CMTM8: variants seen among roughly 807,000 people sequenced by gnomAD.
CMTM8 encodes the protein CKLF like MARVEL transmembrane domain containing 8.
CMTM8 carries 12 observed loss-of-function variants against 18.6 expected under a neutral mutation model. That is an observed-to-expected ratio of 0.65 (90% CI 0.41 to 1.05). CMTM8 has a LOEUF of 1.05. Among genes scored for constraint, CMTM8 ranks in the 50% least tolerant of loss-of-function variants. The pLI, the probability that CMTM8 is intolerant of heterozygous loss-of-function variation, is 0.00. For synonymous variants in CMTM8, 87 were observed against 90.6 expected, an observed-to-expected ratio of 0.96 and a Z score of 0.23; for missense variants, 217 against 227.2, an observed-to-expected ratio of 0.95 and a Z score of 0.29.
rs543073316 is a variant in CMTM8 at position 32,305,292 on chromosome 3, G to A, written c.148-52081G>A. Among the ~76,000 whole-genome samples, 138 of 149,654 alleles carry A rather than the reference G, an allele frequency of 9.2e-4. 2 individuals are homozygous for A. Among genetic ancestry groups the A allele is most frequent in the African/African-American group, 2.8e-3 (113 of 40,524 alleles). ...GTCACCCAGGCTGGAGTGCAGTGGC[G>A]TGATCTCTGCTCACTGCAAGCTCAG... is the stretch of plus-strand genomic sequence containing the variant. On this transcript the variant is annotated intron_variant, in intron 1 of 3. Coordinates refer to ENST00000307526, the MANE Select transcript of CMTM8 (RefSeq NM_178868.5).
intron 1 of CMTM8, among the ~76,000 whole-genome samples, chr3:32,292,808 A>T (rs548627945): frequency 6.6e-6 from 1 of 152,170 alleles, no homozygotes; most frequent in Admixed American, 6.5e-5. Context: ...ATGTCTCCAG[A>T]TGTTGCCAAA....
Position 32,357,521 on chromosome 3 carries a change from T to C in CMTM8, c.296T>C (p.Ile99Thr). 6.2e-7 allele frequency: 1 copy of C among 1,614,138 alleles called. No individual in the cohort carries two copies. The highest frequency in any genetic ancestry group is 1.1e-5 in the South Asian group (1 of 91,078). Residue 99 changes from isoleucine to threonine, a missense_variant, in exon 2 of 4, where the codon ATT becomes ACT. By Grantham distance (89) the Ile-to-Thr change is moderately conservative. Coordinates refer to ENST00000307526, the MANE Select transcript of CMTM8 (RefSeq NM_178868.5). ...IIYITMTYTR[I>T]PQVPWTTVGL... ...TACATAACAATGACCTACACCAGGATTCCCCAGGTGCCCTGGACAACAGTG... is the reference window on the plus strand; with the variant it reads ...TACATAACAATGACCTACACCAGGACTCCCCAGGTGCCCTGGACAACAGTG...
In CMTM8 at chr3:32,318,285, C is replaced by T. The variant is rs142452837; in HGVS notation, c.148-39088C>T. On this transcript the variant is annotated intron_variant, in intron 1 of 3. Coordinates refer to ENST00000307526, the MANE Select transcript of CMTM8 (RefSeq NM_178868.5). ...TGATTCCAGGGACAAAGAGATTTCT[C>T]CCTGTTTAACCTCTTATACTTTTCC... Among the ~76,000 whole-genome samples the T allele has an allele frequency of 8.7e-4, 133 of 152,196 alleles. 1 individual carries two copies. The highest frequency in any genetic ancestry group is 3.0e-3 in the African/African-American group (126 of 41,538).
intron 1 of CMTM8, among the ~76,000 whole-genome samples, chr3:32,341,122 G>A (rs1188158762): frequency 6.6e-6 from 1 of 152,226 alleles, no homozygotes; most frequent in Admixed American, 6.5e-5. Flanking sequence ...TGAAAGACCA[G>A]CACTTCAAAA....
At chr3:32,342,199 G>C (rs989168519) in intron 1 of CMTM8, among the ~76,000 whole-genome samples, 1 of 152,186 alleles carries the variant, frequency 6.6e-6, no homozygotes. Context: ...AGTGAGCCAA[G>C]ATCGCACCAC....
chr3:32,314,744 T>C (rs1376345174), intron 1 of CMTM8, among the ~76,000 whole-genome samples: 5 of 152,158 alleles, frequency 3.3e-5, no homozygotes, highest in African/African-American at 1.2e-4. Context: ...CCCAAAGTGC[T>C]TGGACTGCAG....
intron 1 of CMTM8, among the ~76,000 whole-genome samples, chr3:32,342,947 T>C (rs922020212): frequency 6.6e-6 from 1 of 152,212 alleles, no homozygotes; most frequent in Non-Finnish European, 1.5e-5. Context: ...GGTTAGTAAC[T>C]TGCCCAAGGG....
chr3:32,287,192 A>C (rs1702702071), intron 1 of CMTM8, among the ~76,000 whole-genome samples: 1 of 152,238 alleles, frequency 6.6e-6, no homozygotes, highest in South Asian at 2.1e-4. Context: ...GCACTTACCC[A>C]TCATTTTTAT....
At chr3:32,284,430 A>C (rs1490832108) in intron 1 of CMTM8, among the ~76,000 whole-genome samples, 1 of 152,238 alleles carries the variant, frequency 6.6e-6, no homozygotes, top group African/African-American at 2.4e-5. Flanking sequence ...CCCAGTGCCC[A>C]GGGAAGCGGA....
intron 1 of CMTM8, among the ~76,000 whole-genome samples, chr3:32,312,878 T>C (rs185016612): frequency 6.6e-6 from 1 of 151,996 alleles, no homozygotes; most frequent in East Asian, 1.9e-4. Context: ...ATAACAAGAC[T>C]TTTTTTCACC....
intron 1 of CMTM8, among the ~76,000 whole-genome samples, chr3:32,315,454 A>G (rs1695908634): frequency 6.6e-6 from 1 of 152,158 alleles, no homozygotes; most frequent in Admixed American, 6.6e-5. Context: ...TTTGCAGTTC[A>G]AGGAAGAGAT....
At chr3:32,273,225 G>A (rs1702468090) in intron 1 of CMTM8, among the ~76,000 whole-genome samples, 2 of 151,154 alleles carry the variant, frequency 1.3e-5, no homozygotes, top group South Asian at 4.2e-4. Flanking sequence ...GCCTCCTAAA[G>A]TGCTGGGATT....
intron 1 of CMTM8, among the ~76,000 whole-genome samples, chr3:32,326,997 T>A (rs9810600): frequency 6.6e-6 from 1 of 152,180 alleles, no homozygotes; most frequent in African/African-American, 2.4e-5. Flanking sequence ...CACTGAACAT[T>A]CTTCAAGGGA....
chr3:32,364,920 G>T lies in CMTM8; in HGVS notation c.322-2952G>T, dbSNP rs187800571. ...CTGAGGGGATGTTCGCAGCAGTGAT[G>T]TGTGAAGCACCATGGCCCTAAAGTG... is the stretch of plus-strand genomic sequence containing the variant. On this transcript the variant is annotated intron_variant, in intron 2 of 3. Transcript: ENST00000307526. 7.9e-5 allele frequency among the ~76,000 whole-genome samples: 12 copies of T among 152,348 alleles called. No homozygotes were observed. In the East Asian group the frequency reaches 2.3e-3, roughly 29 times the overall value.
At chr3:32,242,076 T>C (rs969593168) in intron 1 of CMTM8, among the ~76,000 whole-genome samples, 20 of 152,196 alleles carry the variant, frequency 1.3e-4, no homozygotes, top group African/African-American at 4.6e-4. Flanking sequence ...TCTTCCTTTC[T>C]TTCCTGGGTT....
Position 32,318,692 on chromosome 3 carries a change from G to A in CMTM8, c.148-38681G>A, listed in dbSNP as rs140490272. ...CACCATTCTCCTGCCTCAGCCTCCC[G>A]AGTACCTGGGACTACAGGCACCCGC... On this transcript the variant is annotated intron_variant, in intron 1 of 3. Transcript: ENST00000307526. 5.5e-3 allele frequency among the ~76,000 whole-genome samples: 816 copies of A among 148,920 alleles called. 5 individuals carry two copies. Among genetic ancestry groups the A allele is most frequent in the African/African-American group, 0.019 (763 of 40,432 alleles).
chr3:32,368,784 C>A (rs561635817), intron 3 of CMTM8, among the ~76,000 whole-genome samples: 14 of 151,750 alleles, frequency 9.2e-5, no homozygotes, highest in Non-Finnish European at 1.5e-4. Context: ...TTATATACTT[C>A]TGTTTGCATT....
At chr3:32,365,709 A>G (rs768045491) in intron 2 of CMTM8, among the ~76,000 whole-genome samples, 3 of 152,174 alleles carry the variant, frequency 2.0e-5, no homozygotes, top group Non-Finnish European at 4.4e-5. Context: ...GGCCTCCCAG[A>G]GTGTTGGGAT....
At chr3:32,356,170 C>G (rs574006216) in intron 1 of CMTM8, among the ~76,000 whole-genome samples, 2 of 152,316 alleles carry the variant, frequency 1.3e-5, no homozygotes, top group South Asian at 4.1e-4. Flanking sequence ...AATCTGTCTT[C>G]CGAGCCTCTT....
Sources: allele counts gnomAD v4.1 joint callset (sites outside exome capture counted in the v4.1 genomes callset), GRCh38; gene constraint gnomAD v4.1.1; transcripts MANE v1.5; gene names NCBI Gene and HGNC (gene_info 2026-07-23, HGNC 2026-07-21).